SMIM45: variants seen among roughly 807,000 people sequenced by gnomAD.
SMIM45 encodes long intergenic non-protein coding RNA 634.
chr22:41,950,731 C>T, the SMIM45 span, among the ~76,000 whole-genome samples: 7 of 152,148 alleles, frequency 4.6e-5, no homozygotes, highest in Admixed American at 3.9e-4. Flanking sequence ...CGCAGTGGCT[C>T]ACGCCTGTAA....
At chr22:41,952,963 C>T in the SMIM45 span, among the ~76,000 whole-genome samples, 1 of 152,204 alleles carries the variant, frequency 6.6e-6, no homozygotes, top group African/African-American at 2.4e-5. Flanking sequence ...TCCCTACCTT[C>T]ACCAACCCTG....
At chr22:41,952,475 A>C in the SMIM45 span, 1 of 152,308 alleles carries the variant, frequency 6.6e-6, no homozygotes, top group Non-Finnish European at 1.5e-5. Context: ...CTTGGGAGGT[A>C]GGGAGAGGGG....
At chr22:41,958,090 G>C in the SMIM45 span, 2 of 329,400 alleles carry the variant, frequency 6.1e-6, no homozygotes, top group Non-Finnish European at 1.2e-5. Flanking sequence ...TGCCTGGCTG[G>C]CCCAGGGCTT....
chr22:41,948,146 T>C, the SMIM45 span, among the ~76,000 whole-genome samples: 1 of 152,246 alleles, frequency 6.6e-6, no homozygotes, highest in Non-Finnish European at 1.5e-5. Context: ...ACTTGTTCAC[T>C]GTCTCTACAT....
At chr22:41,954,824 G>C in the SMIM45 span, among the ~76,000 whole-genome samples, 2 of 151,998 alleles carry the variant, frequency 1.3e-5, no homozygotes. Flanking sequence ...TGGCCAACAT[G>C]GCAAAACCCC....
chr22:41,954,136 G>C, the SMIM45 span, among the ~76,000 whole-genome samples: 1 of 151,674 alleles, frequency 6.6e-6, no homozygotes, highest in Non-Finnish European at 1.5e-5. Context: ...CTTATTCTCT[G>C]AGCCTCAGTT....
chr22:41,954,485 C>T, the SMIM45 span, among the ~76,000 whole-genome samples: 2 of 152,112 alleles, frequency 1.3e-5, no homozygotes, highest in Non-Finnish European at 2.9e-5. Flanking sequence ...GAATTACAGG[C>T]GTGACCCACC....
chr22:41,951,969 G>A, the SMIM45 span, among the ~76,000 whole-genome samples: 3 of 152,280 alleles, frequency 2.0e-5, no homozygotes, highest in East Asian at 1.9e-4. Context: ...CCCCCTCCCC[G>A]CACTCCCCCA....
chr22:41,955,075 C>A, the SMIM45 span, among the ~76,000 whole-genome samples: 4 of 152,206 alleles, frequency 2.6e-5, no homozygotes, highest in Non-Finnish European at 5.9e-5. Context: ...TGCTACCTTC[C>A]ACTTTCCTGC....
the SMIM45 span, chr22:41,947,102 C>G: frequency 1.9e-6 from 3 of 1,611,298 alleles, no homozygotes; most frequent in Admixed American, 3.3e-5. Flanking sequence ...AACCGTTGCT[C>G]CTGCGGTGCG....
the SMIM45 span, chr22:41,958,062 G>A: frequency 1.0e-5 from 3 of 293,694 alleles, no homozygotes; most frequent in Non-Finnish European, 2.1e-5. Context: ...CGCTGGCAGT[G>A]GAGGTGGGGC....
the SMIM45 span, among the ~76,000 whole-genome samples, chr22:41,951,586 G>A: frequency 6.6e-6 from 1 of 152,168 alleles, no homozygotes; most frequent in Non-Finnish European, 1.5e-5. Flanking sequence ...GGGAGGGGGA[G>A]CCATTTGCAA....
the SMIM45 span, among the ~76,000 whole-genome samples, chr22:41,957,225 G>C: frequency 8.5e-6 from 1 of 117,138 alleles, no homozygotes; most frequent in African/African-American, 3.5e-5. Context: ...ACGGAGTATC[G>C]CTCTGTCACC....
At chr22:41,958,553 T>TGA in the SMIM45 span, 21 of 355,480 alleles carry the variant, frequency 5.9e-5, no homozygotes, top group Non-Finnish European at 7.8e-5. Flanking sequence ...TGTGTATATG[T>TGA]GAGAGAGAGT....
At chr22:41,948,837 C>T in the SMIM45 span, among the ~76,000 whole-genome samples, 7 of 152,002 alleles carry the variant, frequency 4.6e-5, no homozygotes, top group South Asian at 8.3e-4. Context: ...CCGAGGCGGG[C>T]GGATCACCTG....
At chr22:41,953,751 T>G in the SMIM45 span, among the ~76,000 whole-genome samples, 9 of 74,922 alleles carry the variant, frequency 1.2e-4, no homozygotes, top group Admixed American at 7.3e-4. Context: ...TTTTTTTTTT[T>G]TTTTTTTTTT....
At chr22:41,952,791 C>T in the SMIM45 span, among the ~76,000 whole-genome samples, 1 of 152,204 alleles carries the variant, frequency 6.6e-6, no homozygotes, top group African/African-American at 2.4e-5. Context: ...CCACATCCCC[C>T]AGCATTGCAG....
At chr22:41,958,418 C>A in the SMIM45 span, 1 of 454,960 alleles carries the variant, frequency 2.2e-6, no homozygotes, top group Non-Finnish European at 4.4e-6. Flanking sequence ...AGGCTTGGAA[C>A]TGGTGAGGGT....
At chr22:41,955,093 G>A in the SMIM45 span, among the ~76,000 whole-genome samples, 4 of 152,136 alleles carry the variant, frequency 2.6e-5, no homozygotes, top group South Asian at 2.1e-4. Context: ...TGCCTTCTCC[G>A]CCTCTCGCTC....
Sources: allele counts gnomAD v4.1 joint callset (sites outside exome capture counted in the v4.1 genomes callset), GRCh38; gene constraint gnomAD v4.1.1; transcripts MANE v1.5; gene names NCBI Gene and HGNC (gene_info 2026-07-23, HGNC 2026-07-21).